CCDC3: variants seen among roughly 807,000 people sequenced by gnomAD.
CCDC3 encodes the protein coiled-coil domain containing 3, also known as coiled-coil domain-containing protein 3.
CCDC3 carries 24 observed loss-of-function variants against 21.4 expected under a neutral mutation model. That is an observed-to-expected ratio of 1.12 (90% CI 0.81 to 1.58). The LOEUF (loss-of-function observed/expected upper bound fraction) is 1.58. Among genes scored for constraint, CCDC3 ranks in the 40% most tolerant of loss-of-function variants. The pLI is 0.00. For synonymous variants in CCDC3, 186 were observed against 166.0 expected, an observed-to-expected ratio of 1.12 and a Z score of -0.93; for missense variants, 425 against 360.9, an observed-to-expected ratio of 1.18 and a Z score of -1.44.
intron 5 of CCDC3, among the ~76,000 whole-genome samples, chr10:13,015,458 C>T (rs1836043887): frequency 6.6e-6 from 1 of 151,940 alleles, no homozygotes; most frequent in Non-Finnish European, 1.5e-5. Context: ...GGAGAGCTGC[C>T]AGTCATCACA....
intron 2 of CCDC3, among the ~76,000 whole-genome samples, chr10:12,930,379 C>G (rs561551732): frequency 6.6e-6 from 1 of 152,206 alleles, no homozygotes; most frequent in Non-Finnish European, 1.5e-5. Flanking sequence ...CACCTAATTT[C>G]TGTTGACTCA....
At chr10:12,916,256 A>AC (rs1161112415) in intron 2 of CCDC3, among the ~76,000 whole-genome samples, 2 of 151,912 alleles carry the variant, frequency 1.3e-5, no homozygotes, top group African/African-American at 2.4e-5. Context: ...ACATGGTGAA[A>AC]CCCCGTCTCT....
chr10:12,932,434 A>G (rs1380881266), intron 2 of CCDC3, among the ~76,000 whole-genome samples: 1 of 152,170 alleles, frequency 6.6e-6, no homozygotes, highest in African/African-American at 2.4e-5. Flanking sequence ...ATATTGGAGT[A>G]TGGTTTCTAC....
intron 5 of CCDC3, among the ~76,000 whole-genome samples, chr10:13,024,744 A>T (rs1048687824): frequency 2.0e-5 from 3 of 152,208 alleles, no homozygotes; most frequent in African/African-American, 7.2e-5. Context: ...TGCGCATTCC[A>T]TATTTTCTGC....
intron 2 of CCDC3, among the ~76,000 whole-genome samples, chr10:12,989,858 T>C (rs1221496582): frequency 6.6e-6 from 1 of 152,058 alleles, no homozygotes; most frequent in Non-Finnish European, 1.5e-5. Flanking sequence ...GCCAGCCTCA[T>C]AGCGCAAATC....
intron 2 of CCDC3, among the ~76,000 whole-genome samples, chr10:12,990,244 A>T (rs1835660902): frequency 6.7e-6 from 1 of 149,568 alleles, no homozygotes. Context: ...TGGGCAAAAA[A>T]GCGAGACTCC....
chr10:12,918,946 T>C (rs1048800170), intron 2 of CCDC3, among the ~76,000 whole-genome samples: 5 of 152,090 alleles, frequency 3.3e-5, no homozygotes, highest in Admixed American at 2.0e-4. Context: ...TCCCAGCTAC[T>C]CGGGAGGCTG....
Position 12,926,361 on chromosome 10 carries a change from G to A in CCDC3, c.550-27682C>T, listed in dbSNP as rs141208130. 1.5e-3 allele frequency among the ~76,000 whole-genome samples: 221 copies of A among 152,276 alleles called. 7 individuals carry two copies. The East Asian group carries it at 0.035, about 24-fold the overall frequency. ...GTTGAGCTGAACTTAAGCATGGCAG[G>A]CAATAGGGGCCTTAGCTATGAGGGC... On this transcript the variant is annotated intron_variant, in intron 2 of 2. Transcript: ENST00000378825.
chr10:12,928,352 G>A (rs1834579897), intron 2 of CCDC3, among the ~76,000 whole-genome samples: 1 of 152,162 alleles, frequency 6.6e-6, no homozygotes. Flanking sequence ...GCAACAAAAG[G>A]AAAGAGAAAG....
chr10:12,984,902 C>G (rs1301786845), intron 2 of CCDC3, among the ~76,000 whole-genome samples: 1 of 152,056 alleles, frequency 6.6e-6, no homozygotes, highest in African/African-American at 2.4e-5. Context: ...CTGGAAGAAG[C>G]AAAGAACTGA....
At chr10:12,954,642 T>C (rs919769888) in intron 2 of CCDC3, among the ~76,000 whole-genome samples, 8 of 152,268 alleles carry the variant, frequency 5.3e-5, no homozygotes, top group African/African-American at 1.7e-4. Flanking sequence ...CCAGCTTTCA[T>C]AGGAACTTAC....
chr10:13,017,575 C>T (rs1297856923), intron 5 of CCDC3, among the ~76,000 whole-genome samples: 1 of 150,530 alleles, frequency 6.6e-6, no homozygotes, highest in African/African-American at 2.4e-5. Flanking sequence ...TTTTAAATTT[C>T]AAGTCCATCC....
chr10:12,978,387 T>C (rs935357440), intron 2 of CCDC3, among the ~76,000 whole-genome samples: 1 of 152,248 alleles, frequency 6.6e-6, no homozygotes, highest in African/African-American at 2.4e-5. Flanking sequence ...AACTTTCAAA[T>C]GTACATGTTC....
chr10:13,062,859 G>T (rs2131433708), intron 4 of CCDC3, among the ~76,000 whole-genome samples: 1 of 152,198 alleles, frequency 6.6e-6, no homozygotes, highest in East Asian at 1.9e-4. Flanking sequence ...TGCATGCCCT[G>T]CACTTGATGG....
chr10:13,066,957 C>CT (rs1446367207), intron 4 of CCDC3, among the ~76,000 whole-genome samples: 5 of 152,206 alleles, frequency 3.3e-5, no homozygotes, highest in African/African-American at 1.2e-4. Context: ...TTCTGACAAG[C>CT]TAGAGCCCAG....
intron 3 of CCDC3, among the ~76,000 whole-genome samples, chr10:13,087,855 C>T (rs942858309): frequency 6.6e-6 from 1 of 152,134 alleles, no homozygotes; most frequent in African/African-American, 2.4e-5. Flanking sequence ...AAGGTTGGTG[C>T]ACTAGCAATT....
chr10:12,938,842 C>T lies in CCDC3; in HGVS notation c.550-40163G>A, dbSNP rs140888555. 2.0e-5 allele frequency among the ~76,000 whole-genome samples: 3 copies of T among 152,314 alleles called. No individual in the cohort carries two copies. In the East Asian group the frequency reaches 5.8e-4, roughly 29 times the overall value. On this transcript the variant is annotated intron_variant, in intron 2 of 2. Coordinates refer to ENST00000378825, the MANE Select transcript of CCDC3 (RefSeq NM_031455.4). ...CAGCCACACTGTCTCCTATATAATG[C>T]CTGCTTAATAGACATTTGTATCATG...
In CCDC3 at chr10:12,898,350, C is replaced by CGAA; in HGVS notation, c.*63_*65dup. 3 of 1,468,488 alleles carry CGAA rather than the reference C, an allele frequency of 2.0e-6. No homozygotes were observed. Among genetic ancestry groups the CGAA allele is most frequent in the Non-Finnish European group, 1.8e-6 (2 of 1,092,582 alleles). The allele number at this position is 1,468,488 out of a possible 1,614,324, so 91.0% of individuals were successfully genotyped here. ...ACAACCCTTGAAATAGCTGCATGTA[C>CGAA]GAAACCTCACTCATTCTCAATTACC... On this transcript the variant is annotated 3_prime_UTR_variant, in exon 3 of 3. Coordinates refer to ENST00000378825, the MANE Select transcript of CCDC3 (RefSeq NM_031455.4).
intron 2 of CCDC3, among the ~76,000 whole-genome samples, chr10:12,963,880 G>A (rs1304013642): frequency 1.3e-5 from 2 of 152,144 alleles, no homozygotes; most frequent in East Asian, 1.9e-4. Context: ...ACCAAGCCTG[G>A]CCTGAACTCC....
Sources: gnomAD v4.1 joint callset for allele counts (sites outside exome capture counted in the v4.1 genomes callset) on GRCh38, gnomAD v4.1.1 for gene constraint, MANE v1.5 for transcripts, NCBI Gene and HGNC (gene_info 2026-07-23, HGNC 2026-07-21) for gene names.